The following MYRIP variants were observed in gnomAD, a reference collection of about 807,000 sequenced individuals.
MYRIP encodes the protein rab effector MyRIP.
A neutral mutation model predicts 98.0 loss-of-function variants in MYRIP; 49 were observed. The observed-to-expected ratio is 0.50, with a 90% CI of 0.40 to 0.63. The LOEUF (loss-of-function observed/expected upper bound fraction) is 0.63, where lower values mean the gene tolerates loss of function less well. Among genes scored for constraint, MYRIP ranks in the 30% least tolerant of loss-of-function variants. MYRIP has a pLI of 0.00. For missense variants in MYRIP, 1,004 were observed against 1,058.2 expected, an observed-to-expected ratio of 0.95 and a Z score of 0.71; for synonymous variants, 404 against 409.5, an observed-to-expected ratio of 0.99 and a Z score of 0.16.
At chr3:39,996,373 G>A (rs1386679177) in intron 2 of MYRIP, among the ~76,000 whole-genome samples, 1 of 151,968 alleles carries the variant, frequency 6.6e-6, no homozygotes, top group Non-Finnish European at 1.5e-5. Flanking sequence ...AAAAGGCAGG[G>A]GTTGCAATCC....
chr3:39,873,301 T>C (rs1221814437), intron 1 of MYRIP, among the ~76,000 whole-genome samples: 1 of 152,216 alleles, frequency 6.6e-6, no homozygotes, highest in Non-Finnish European at 1.5e-5. Flanking sequence ...CTGTTCACTC[T>C]GATGGTAGTT....
At chr3:40,127,362 G>A (rs1348442736) in intron 3 of MYRIP, among the ~76,000 whole-genome samples, 4 of 152,094 alleles carry the variant, frequency 2.6e-5, no homozygotes, top group Non-Finnish European at 5.9e-5. Flanking sequence ...TGGTCACTTC[G>A]GTGGTAAATG....
intron 1 of MYRIP, among the ~76,000 whole-genome samples, chr3:39,857,527 G>A (rs965318717): frequency 3.9e-5 from 6 of 152,034 alleles, no homozygotes; most frequent in African/African-American, 1.5e-4. Flanking sequence ...CTCTAAGACA[G>A]GTCAATTGAA....
chr3:39,978,990 G>A lies in MYRIP; in HGVS notation c.111-65060G>A, dbSNP rs185109325. Among the ~76,000 whole-genome samples the A allele has an allele frequency of 2.5e-3, 384 of 152,276 alleles. 9 individuals carry two copies. The highest frequency in any genetic ancestry group is 2.6e-4 in the Non-Finnish European group (18 of 68,014). On this transcript the variant is annotated intron_variant, in intron 2 of 16. Transcript: ENST00000302541. Reference sequence around the variant, plus strand: ...AACGTAAGAGGAAATTGCATAGGAGGTGGAGAAGCCCATCTGTAGAAATGC... The same window carrying A: ...AACGTAAGAGGAAATTGCATAGGAGATGGAGAAGCCCATCTGTAGAAATGC...
In MYRIP at chr3:40,244,876, C is replaced by T. The variant is rs138373621; in HGVS notation, c.2262+269C>T. On this transcript the variant is annotated intron_variant, in intron 13 of 16. Transcript: ENST00000302541. Reference sequence around the variant, plus strand: ...TCTTTGAGAAGTTTCCTGACCCATACATAGGTCTCTCTACTATACAGGTTT... The same window carrying T: ...TCTTTGAGAAGTTTCCTGACCCATATATAGGTCTCTCTACTATACAGGTTT... 1.4e-4 allele frequency among the ~76,000 whole-genome samples: 22 copies of T among 152,346 alleles called. No individual in the cohort carries two copies. In the East Asian group the frequency reaches 3.7e-3, roughly 25 times the overall value.
At position 40,251,983 on chromosome 3, in the gene MYRIP, C is replaced by T. The variant is rs1440645199; in HGVS notation, c.2531C>T (p.Thr844Ile). Residue 844 changes from threonine (T) to isoleucine (I), a missense_variant, in exon 16 of 17, where the codon ACC (threonine) becomes ATC (isoleucine). Thr to Ile is a moderately conservative substitution (Grantham distance 89). Coordinates refer to ENST00000302541, the MANE Select transcript of MYRIP (RefSeq NM_015460.4). The part of the protein sequence containing the change: ...STNRTKERKG[T>I]TKDLMEPALE... ...AACAGGACTAAGGAAAGGAAAGGCA[C>T]CACCAAGGATTTGATGGTAAATGTC... 1.9e-6 allele frequency: 3 copies of T among 1,607,910 alleles called. No individual in the cohort carries two copies. The highest frequency in any genetic ancestry group is 2.2e-5 in the East Asian group (1 of 44,850).
chr3:40,195,516 G>T (rs1951362732), intron 10 of MYRIP, among the ~76,000 whole-genome samples: 1 of 152,050 alleles, frequency 6.6e-6, no homozygotes, highest in Admixed American at 6.6e-5. Context: ...GGCTGGTCTT[G>T]AACTCCTGAG....
chr3:40,153,880 G>T (rs531159784), intron 4 of MYRIP, among the ~76,000 whole-genome samples: 2 of 152,208 alleles, frequency 1.3e-5, no homozygotes, highest in African/African-American at 4.8e-5. Context: ...AGTGGCTCTC[G>T]CCTGTAATCC....
At chr3:40,054,990 TA>T (rs1275388958) in intron 3 of MYRIP, among the ~76,000 whole-genome samples, 1 of 152,174 alleles carries the variant, frequency 6.6e-6, no homozygotes, top group African/African-American at 2.4e-5. Context: ...GCAATTAGGG[TA>T]ATAAGAAATC....
At chr3:40,100,359 T>C in intron 3 of MYRIP, 1 of 856,974 alleles carries the variant, frequency 1.2e-6, no homozygotes, top group Non-Finnish European at 1.4e-6. Context: ...TTTTCATTGA[T>C]GTTTTGCAAC....
At chr3:40,067,101 T>G (rs1001181639) in intron 3 of MYRIP, among the ~76,000 whole-genome samples, 7 of 152,236 alleles carry the variant, frequency 4.6e-5, no homozygotes, top group Non-Finnish European at 8.8e-5. Flanking sequence ...AAATTTCCTA[T>G]AACTAGGCCA....
At chr3:39,838,405 G>A (rs1160409775) in intron 1 of MYRIP, among the ~76,000 whole-genome samples, 1 of 152,172 alleles carries the variant, frequency 6.6e-6, no homozygotes, top group Non-Finnish European at 1.5e-5. Context: ...TTTATTGGAT[G>A]TTTTTAACAT....
chr3:40,254,952 C>T (rs1432961887), intron 16 of MYRIP, among the ~76,000 whole-genome samples: 2 of 152,136 alleles, frequency 1.3e-5, no homozygotes, highest in East Asian at 3.9e-4. Context: ...CCTCTTCCTC[C>T]CTATCATTGT....
chr3:39,882,066 ATT>A (rs1233110225), intron 1 of MYRIP, among the ~76,000 whole-genome samples: 1 of 152,106 alleles, frequency 6.6e-6, no homozygotes, highest in Non-Finnish European at 1.5e-5. Context: ...ATTTTATAAT[ATT>A]TAATCTGATT....
chr3:40,064,319 T>G (rs1333511521), intron 3 of MYRIP, among the ~76,000 whole-genome samples: 1 of 151,716 alleles, frequency 6.6e-6, no homozygotes, highest in Non-Finnish European at 1.5e-5. Flanking sequence ...TCAACAGGAT[T>G]ATATTCCTCT....
intron 10 of MYRIP, among the ~76,000 whole-genome samples, chr3:40,192,002 C>A (rs748971520): frequency 6.6e-6 from 1 of 152,026 alleles, no homozygotes; most frequent in African/African-American, 2.4e-5. Flanking sequence ...GAGGCACTGC[C>A]TCTGCCTCCT....
intron 4 of MYRIP, among the ~76,000 whole-genome samples, chr3:40,160,183 C>T (rs1390370638): frequency 1.3e-5 from 2 of 152,154 alleles, no homozygotes; most frequent in Admixed American, 6.5e-5. Flanking sequence ...GTGTGGATAT[C>T]CTTTCTGTTT....
intron 2 of MYRIP, among the ~76,000 whole-genome samples, chr3:40,016,898 G>A (rs914843958): frequency 6.6e-6 from 1 of 152,142 alleles, no homozygotes; most frequent in Non-Finnish European, 1.5e-5. Flanking sequence ...TGCTGGGCAG[G>A]GCCAGGTGTT....
intron 2 of MYRIP, among the ~76,000 whole-genome samples, chr3:39,967,310 C>G (rs1430675482): frequency 6.6e-6 from 1 of 152,090 alleles, no homozygotes; most frequent in African/African-American, 2.4e-5. Flanking sequence ...GTTCTTATCA[C>G]TTAGCACCCA....
Sources: allele counts gnomAD v4.1 joint callset (sites outside exome capture counted in the v4.1 genomes callset), GRCh38; gene constraint gnomAD v4.1.1; transcripts MANE v1.5; gene names NCBI Gene and HGNC (gene_info 2026-07-23, HGNC 2026-07-21).